NBPF9: variants seen among roughly 807,000 people sequenced by gnomAD.
NBPF9 encodes NBPF member 9, also known as NBPF family member NBPF9.
Under a neutral mutation model 97.8 loss-of-function variants are expected in NBPF9, and 91 were observed. The ratio of observed to expected loss-of-function variants is 0.93; its 90% CI spans 0.79 to 1.11. The LOEUF (loss-of-function observed/expected upper bound fraction) is 1.11. Ranked by LOEUF, NBPF9 falls within the 50% of genes least tolerant of loss-of-function variation. The probability of loss-of-function intolerance (pLI) is 0.00; values close to 1 mark genes in which losing one functional copy is unlikely to be tolerated. For synonymous variants in NBPF9, 334 were observed against 359.5 expected, an observed-to-expected ratio of 0.93 and a Z score of 0.80; for missense variants, 992 against 939.5, an observed-to-expected ratio of 1.06 and a Z score of -0.73.
In NBPF9 at chr1:149,055,738, A is replaced by G. The variant is rs782457025; in HGVS notation, c.3254T>C (p.Leu1085Pro). Reference sequence around the variant, plus strand: ...AGTAAAAAACCTATTGTCCACGTAAAGGGCGAAGCTGATGTGCTGTTCCTC... The same window carrying G: ...AGTAAAAAACCTATTGTCCACGTAAGGGGCGAAGCTGATGTGCTGTTCCTC... Residue 1085 changes from leucine (L) to proline (P), a missense_variant, in exon 30 of 30, where the codon CTT becomes CCT. Around this residue, in one of 11 missense-constraint regions of NBPF9, gnomAD observed 397 missense variants for 213.6 expected, o/e 1.86. Coordinates refer to ENST00000584027, the Ensembl canonical transcript of NBPF9. The G allele has an allele frequency of 2.5e-6, 4 of 1,611,756 alleles. No homozygotes were observed. The African/African-American group carries it at 4.0e-5, about 16-fold the overall frequency.
At chr1:149,089,803 T>G in intron 5 of NBPF9, among the ~76,000 whole-genome samples, 1 of 152,296 alleles carries the variant, frequency 6.6e-6, no homozygotes, top group Non-Finnish European at 1.5e-5. Context: ...CATAAAGTGC[T>G]ACATGGCATT....
chr1:149,077,209 T>TG lies in NBPF9; in HGVS notation c.776dup (p.Val260SerfsTer34). ...AGACACAAGGAAAATAGAGGCTACC[T>TG]GGGAGAATGTTTAGAGCATCCTGAC... On this transcript the variant is annotated frameshift_variant and splice_region_variant, in exon 11 of 30. Coordinates refer to ENST00000584027, the Ensembl canonical transcript of NBPF9. LOFTEE classifies it high-confidence loss of function. 6.7e-7 allele frequency: 1 copy of TG among 1,498,778 alleles called. No individual in the cohort carries two copies. Among genetic ancestry groups the TG allele is most frequent in the Non-Finnish European group, 9.3e-7 (1 of 1,077,864 alleles). 92.8% of individuals were successfully genotyped at this position (1,498,778 alleles called of 1,614,324 possible).
intron 28 of NBPF9, 83 bp from the exon 29 acceptor site, chr1:149,056,703 G>A (rs2078263271): frequency 4.9e-5 from 1 of 20,388 alleles, no homozygotes; most frequent in East Asian, 1.5e-3. Context: ...CCTCACACAG[G>A]GACCTCAGGC....
chr1:149,060,550 G>C lies in NBPF9; in HGVS notation c.2449C>G (p.His817Asp), dbSNP rs2152868050. Residue 817 changes from histidine to aspartate, a missense_variant, in exon 24 of 30, where the codon CAT becomes GAT. His to Asp is a moderately conservative substitution (Grantham distance 81). Transcript: ENST00000584027. ...CCCACGTCAAGAGAAAAGCCAACAT[G>C]TTTTTCCTCCAATGCATAAAAGGAA... The C allele has an allele frequency of 8.1e-6, 3 of 368,426 alleles. No homozygotes were observed. The East Asian group carries it at 1.0e-4, about 13-fold the overall frequency. 22.8% of individuals were successfully genotyped at this position (368,426 alleles called of 1,614,324 possible). A position where few individuals can be genotyped will look rare whatever the true frequency, so the allele number is the denominator to read the frequency against.
At chr1:149,073,218 T>A (rs2079559821) in intron 13 of NBPF9, among the ~76,000 whole-genome samples, 1 of 148,078 alleles carries the variant, frequency 6.8e-6, no homozygotes, top group South Asian at 2.2e-4. Context: ...AAAGACATCC[T>A]TTCAGTTCCT....
chr1:149,084,285 A>T lies in NBPF9; in HGVS notation c.-194-1855T>A, dbSNP rs1422498545. ...ATACACGTGTATATATATTATATATACACATATATACATGTATACACGTAT... is the reference window on the plus strand; with the variant it reads ...ATACACGTGTATATATATTATATATTCACATATATACATGTATACACGTAT... On this transcript the variant is annotated intron_variant, in intron 5 of 29. Coordinates refer to ENST00000584027, the Ensembl canonical transcript of NBPF9. Among the ~76,000 whole-genome samples, 3 of 147,768 alleles carry T rather than the reference A, an allele frequency of 2.0e-5. No homozygotes were observed. The Admixed American group carries it at 2.0e-4, about 10-fold the overall frequency.
rs1270709983 is a variant in NBPF9 at position 149,081,053 on chromosome 1, G to A, written c.176-898C>T. Among the ~76,000 whole-genome samples the A allele has an allele frequency of 6.4e-3, 970 of 151,974 alleles. 4 individuals carry two copies. The highest frequency in any genetic ancestry group is 0.011 in the Non-Finnish European group (729 of 67,986). On this transcript the variant is annotated intron_variant, in intron 7 of 29. Coordinates refer to ENST00000584027, the Ensembl canonical transcript of NBPF9. ...TTCCTCTTTAGGAACAAGAGCCTGT[G>A]CACCAGGAAGCAGGACTTCACTCTC...
chr1:149,065,685 G>T (rs1553651563), exon 18 of NBPF9: 1 of 1,578,896 alleles, frequency 6.3e-7, no homozygotes, highest in South Asian at 1.1e-5. Context: ...GACTCCTGCA[G>T]ATTCCTGATG....
chr1:149,086,153 C>T (rs1364573971), intron 5 of NBPF9, among the ~76,000 whole-genome samples: 3 of 149,750 alleles, frequency 2.0e-5, no homozygotes, highest in East Asian at 2.0e-4. Context: ...TCTATCATTC[C>T]GCGTTTGGGC....
intron 3 of NBPF9, among the ~76,000 whole-genome samples, chr1:149,101,011 G>C (rs1415462475): frequency 6.6e-6 from 1 of 151,004 alleles, no homozygotes; most frequent in South Asian, 2.1e-4. Context: ...CATACTCCTA[G>C]GTTAGGCATT....
At chr1:149,085,964 C>T (rs1457215767) in intron 5 of NBPF9, among the ~76,000 whole-genome samples, 3 of 151,240 alleles carry the variant, frequency 2.0e-5, no homozygotes, top group East Asian at 3.9e-4. Context: ...ACTTCAGGTC[C>T]GTTTGCATTT....
intron 13 of NBPF9, among the ~76,000 whole-genome samples, chr1:149,073,369 G>A (rs1286483993): frequency 5.0e-5 from 7 of 141,016 alleles, no homozygotes; most frequent in South Asian, 2.5e-4. Flanking sequence ...TGACAGGGTC[G>A]AGAAGGCAAC....
In NBPF9 at chr1:149,082,080, G is replaced by T; in HGVS notation, c.60C>A (p.Ile20=). ...CCAACTGGGGGCGCAATTTCTCGTT[G>T]ATTTCTAGAATGTTCATCTCTGCCT... The change falls in exon 7 of 30, where the codon ATC becomes ATA. Residue 20 remains isoleucine, a synonymous_variant. Coordinates refer to ENST00000584027, the Ensembl canonical transcript of NBPF9. 2.5e-6 allele frequency: 4 copies of T among 1,610,476 alleles called. No homozygotes were observed. The South Asian group carries it at 4.4e-5, about 18-fold the overall frequency.
At chr1:149,082,814 C>T (rs142648978) in intron 5 of NBPF9, among the ~76,000 whole-genome samples, 1 of 147,216 alleles carries the variant, frequency 6.8e-6, no homozygotes, top group South Asian at 2.2e-4. Flanking sequence ...GAGTCTCACT[C>T]TGTCGCCCAG....
chr1:149,070,257 G>T (rs1213123498), intron 16 of NBPF9, among the ~76,000 whole-genome samples: 5 of 149,358 alleles, frequency 3.3e-5, no homozygotes, highest in African/African-American at 1.2e-4. Flanking sequence ...GGAGGCAGAG[G>T]TTGCACCAAG....
downstream of NBPF9, chr1:149,053,937 C>T (rs1372436676): frequency 8.9e-5 from 13 of 146,742 alleles, no homozygotes; most frequent in Admixed American, 8.0e-4. Context: ...CTCACACTCA[C>T]GAAGAATACA....
intron 4 of NBPF9, among the ~76,000 whole-genome samples, chr1:149,093,085 G>C (rs1553660522): frequency 6.6e-6 from 1 of 152,092 alleles, no homozygotes; most frequent in East Asian, 1.9e-4. Flanking sequence ...TCTGGAGAGG[G>C]GGATGTGGCA....
intron 4 of NBPF9, among the ~76,000 whole-genome samples, 198 bp downstream of exon 4, chr1:149,098,240 A>G (rs1260738767): frequency 2.6e-5 from 4 of 151,684 alleles, no homozygotes; most frequent in Admixed American, 1.3e-4. Context: ...TCCACCTGAC[A>G]ACGGCACTGC....
chr1:149,058,865 A>G, intron 26 of NBPF9, 60 bp downstream of exon 26: 1 of 692,552 alleles, frequency 1.4e-6, no homozygotes, highest in Non-Finnish European at 2.7e-6. Context: ...TGGAACAGGA[A>G]TATCACCCCT....
Sources: gnomAD v4.1 joint callset for allele counts (sites outside exome capture counted in the v4.1 genomes callset) on GRCh38, gnomAD v4.1.1 for gene constraint, gnomAD v4.1.1 regional missense constraint, MANE v1.5 for transcripts, NCBI Gene and HGNC (gene_info 2026-07-23, HGNC 2026-07-21) for gene names.